CDC42SE2: variants seen among roughly 807,000 people sequenced by gnomAD.
CDC42SE2 encodes the protein CDC42 small effector protein 2.
A neutral mutation model predicts 11.5 loss-of-function variants in CDC42SE2; 3 were observed. That is an observed-to-expected ratio of 0.26 (90% confidence interval 0.12 to 0.67). The LOEUF (loss-of-function observed/expected upper bound fraction) is 0.67. Among genes scored for constraint, CDC42SE2 ranks in the 30% least tolerant of loss-of-function variants. CDC42SE2 has a pLI of 0.80. For synonymous variants in CDC42SE2, 33 were observed against 34.8 expected (o/e 0.95, Z 0.18); for missense variants, 82 against 106.8 (o/e 0.77, Z 1.02).
chr5:131,334,056 A>G (rs1264914157), intron 2 of CDC42SE2, among the ~76,000 whole-genome samples: 1 of 152,076 alleles, frequency 6.6e-6, no homozygotes, highest in East Asian at 1.9e-4. Flanking sequence ...TTCAAAGGGA[A>G]TGCTTCCAGT....
rs1367472009 is a variant in CDC42SE2, at chr5:131,309,861, C to T, written c.-454-6115C>T. 1.2e-3 allele frequency among the ~76,000 whole-genome samples: 179 copies of T among 151,918 alleles called. 2 individuals are homozygous for T. The highest frequency in any genetic ancestry group is 3.9e-3 in the African/African-American group (160 of 41,444). On this transcript the variant is annotated intron_variant, in intron 1 of 4. Transcript: ENST00000505065. ...TTTTTTTCTTTATTAGTCTTGCTAG[C>T]GGTCTATCAATTTTGTTGATCCTTT...
chr5:131,324,352 G>T (rs901553379), intron 2 of CDC42SE2, among the ~76,000 whole-genome samples: 1 of 152,168 alleles, frequency 6.6e-6, no homozygotes, highest in African/African-American at 2.4e-5. Flanking sequence ...TTTGGTGTGT[G>T]ACTTGGTAGA....
the CDC42SE2 span, among the ~76,000 whole-genome samples, chr5:131,218,910 A>T: frequency 6.6e-6 from 1 of 152,188 alleles, no homozygotes; most frequent in African/African-American, 2.4e-5. Context: ...TATATTTGTT[A>T]CACTTTAATT....
chr5:131,240,686 A>C (rs1359092284), upstream of CDC42SE2, among the ~76,000 whole-genome samples: 1 of 152,216 alleles, frequency 6.6e-6, no homozygotes, highest in Non-Finnish European at 1.5e-5. Context: ...TAATAAAATC[A>C]TGGTAAAAAT....
intron 1 of CDC42SE2, among the ~76,000 whole-genome samples, chr5:131,250,953 G>C (rs1561561449): frequency 6.6e-6 from 1 of 152,098 alleles, no homozygotes; most frequent in Non-Finnish European, 1.5e-5. Flanking sequence ...CAACAAAAGG[G>C]GGAATTGGAG....
intron 2 of CDC42SE2, among the ~76,000 whole-genome samples, chr5:131,343,567 C>G (rs1235505216): frequency 6.6e-6 from 1 of 151,936 alleles, no homozygotes; most frequent in East Asian, 1.9e-4. Context: ...ACAAAATTAG[C>G]CAGGTGTGGT....
chr5:131,245,255 AT>A (rs1272707469), upstream of CDC42SE2, among the ~76,000 whole-genome samples: 1 of 152,098 alleles, frequency 6.6e-6, no homozygotes, highest in African/African-American at 2.4e-5. Flanking sequence ...TAATTTATTT[AT>A]TTTTAGTCTG....
the CDC42SE2 span, among the ~76,000 whole-genome samples, chr5:131,211,153 A>T: frequency 6.6e-6 from 1 of 152,114 alleles, no homozygotes; most frequent in Non-Finnish European, 1.5e-5. Context: ...ATTCTTTCAT[A>T]CAAGAATTCT....
intron 1 of CDC42SE2, among the ~76,000 whole-genome samples, chr5:131,314,982 G>T (rs1250970140): frequency 6.6e-6 from 1 of 152,158 alleles, no homozygotes; most frequent in Admixed American, 6.5e-5. Flanking sequence ...CTAAGAATCT[G>T]TTCAAGTTAT....
rs1376229247 is a variant in CDC42SE2 at position 131,359,423 on chromosome 5, G to A, written c.-71G>A. On this transcript the variant is annotated 5_prime_UTR_variant, in exon 3 of 5. Coordinates refer to ENST00000505065, the MANE Select transcript of CDC42SE2 (RefSeq NM_001375635.1). ...TCACTGGACATCATCGTATTGAGGAGCGTATTTTTGGAACTTCCCGAGTTG... is the reference window on the plus strand; with the variant it reads ...TCACTGGACATCATCGTATTGAGGAACGTATTTTTGGAACTTCCCGAGTTG... The A allele has an allele frequency of 1.9e-6, 2 of 1,050,202 alleles. No homozygotes were observed. The highest frequency in any genetic ancestry group is 3.1e-5 in the African/African-American group (2 of 64,134). The allele number at this position is 1,050,202 out of a possible 1,614,324, so 65.1% of individuals were successfully genotyped here.
the CDC42SE2 span, among the ~76,000 whole-genome samples, chr5:131,216,518 A>AAAAAAAAAAAAAAAAAAAAC: frequency 6.8e-6 from 1 of 146,008 alleles, no homozygotes. Flanking sequence ...AAAAAAAAAA[A>AAAAAAAAAAAAAAAAAAAAC]AAAACATTAT....
At chr5:131,372,729 T>G (rs1473278395) in intron 3 of CDC42SE2, among the ~76,000 whole-genome samples, 3 of 151,392 alleles carry the variant, frequency 2.0e-5, no homozygotes, top group Admixed American at 1.3e-4. Context: ...AAAAAAAATG[T>G]CAGACAGATC....
intron 1 of CDC42SE2, among the ~76,000 whole-genome samples, chr5:131,298,402 A>G (rs375975836): frequency 6.6e-6 from 1 of 151,854 alleles, no homozygotes; most frequent in Non-Finnish European, 1.5e-5. Flanking sequence ...GATTACAGGC[A>G]TGAGCCACCG....
At chr5:131,336,759 G>C (rs1358371441) in intron 2 of CDC42SE2, among the ~76,000 whole-genome samples, 2 of 151,902 alleles carry the variant, frequency 1.3e-5, no homozygotes, top group African/African-American at 4.8e-5. Flanking sequence ...CCAGTTGATC[G>C]CATCGGTTAC....
At chr5:131,314,872 C>T (rs537484568) in intron 1 of CDC42SE2, among the ~76,000 whole-genome samples, 6 of 152,292 alleles carry the variant, frequency 3.9e-5, no homozygotes, top group African/African-American at 1.4e-4. Context: ...AACCTTGACA[C>T]TTCAAGCTAC....
chr5:131,306,694 TAAC>T (rs897107961), intron 1 of CDC42SE2, among the ~76,000 whole-genome samples: 62 of 152,330 alleles, frequency 4.1e-4, no homozygotes, highest in African/African-American at 1.4e-3. Flanking sequence ...GTAGGCATTT[TAAC>T]AACATTAAAG....
chr5:131,246,128 G>A (rs1756579212), intron 1 of CDC42SE2, among the ~76,000 whole-genome samples: 1 of 152,110 alleles, frequency 6.6e-6, no homozygotes, highest in Non-Finnish European at 1.5e-5. Context: ...TGGGTTCCTT[G>A]AGGATATTAT....
At chr5:131,231,450 A>G in the CDC42SE2 span, among the ~76,000 whole-genome samples, 1 of 152,192 alleles carries the variant, frequency 6.6e-6, no homozygotes, top group Non-Finnish European at 1.5e-5. Context: ...AAAAGCAACA[A>G]AAAAAACATG....
At chr5:131,277,122 A>G (rs544822554) in intron 1 of CDC42SE2, among the ~76,000 whole-genome samples, 3 of 152,326 alleles carry the variant, frequency 2.0e-5, no homozygotes, top group Admixed American at 6.5e-5. Flanking sequence ...TTTCTTTACA[A>G]TTTTGAAATA....
Sources: allele counts gnomAD v4.1 joint callset (sites outside exome capture counted in the v4.1 genomes callset), GRCh38; gene constraint gnomAD v4.1.1; transcripts MANE v1.5; gene names NCBI Gene and HGNC (gene_info 2026-07-23, HGNC 2026-07-21).